ADCY8: variants seen among roughly 807,000 people sequenced by gnomAD.
ADCY8 encodes the protein adenylate cyclase 8, also known as adenylate cyclase type 8.
A neutral mutation model predicts 119.7 loss-of-function variants in ADCY8; 51 were observed. The observed-to-expected ratio is 0.43, with a 90% CI of 0.34 to 0.54. The LOEUF is 0.54. ADCY8 is among the 20% of genes least tolerant of loss of function. The pLI is 0.03. For missense variants in ADCY8, 1,383 were observed against 1,598.8 expected (o/e 0.87, Z 2.30); for synonymous variants, 665 against 651.0 (o/e 1.02, Z -0.33).
chr8:130,992,174 G>A (rs1258461059), intron 1 of ADCY8, among the ~76,000 whole-genome samples: 1 of 150,254 alleles, frequency 6.7e-6, no homozygotes, highest in Non-Finnish European at 1.5e-5. Flanking sequence ...CTGCCTCTGG[G>A]GTTCAAGTGA....
chr8:130,988,342 A>G (rs1822467944), intron 2 of ADCY8, among the ~76,000 whole-genome samples: 1 of 152,206 alleles, frequency 6.6e-6, no homozygotes, highest in South Asian at 2.1e-4. Context: ...ACTTCTTATC[A>G]TAGTTGTGAA....
At chr8:131,029,005 T>G (rs565851084) in intron 1 of ADCY8, among the ~76,000 whole-genome samples, 47 of 152,260 alleles carry the variant, frequency 3.1e-4, no homozygotes, top group Non-Finnish European at 6.0e-4. Flanking sequence ...CAGCAGCAAG[T>G]GAGAGGCAGG....
At chr8:130,811,809 C>T (rs577198235) in intron 14 of ADCY8, among the ~76,000 whole-genome samples, 1 of 152,282 alleles carries the variant, frequency 6.6e-6, no homozygotes, top group African/African-American at 2.4e-5. Context: ...TAAGGCTCCT[C>T]CTAACACGAA....
chr8:131,035,840 A>T (rs984350576), intron 1 of ADCY8, among the ~76,000 whole-genome samples: 1 of 152,168 alleles, frequency 6.6e-6, no homozygotes, highest in Non-Finnish European at 1.5e-5. Flanking sequence ...ATGAAGATTA[A>T]TGTGGAGAAA....
chr8:130,884,752 C>A lies in ADCY8; in HGVS notation c.1921G>T (p.Ala641Ser), dbSNP rs1373203923. ...AGATTTATTGAATTTCTTGTTAGGG[C>A]AGCCAGAGTCTAGGGGGAAAGCACA... ...NIVGKQNTLAALTRNSINLLP... is the reference protein window; with the variant it reads ...NIVGKQNTLASLTRNSINLLP... Residue 641 changes from alanine (A) to serine (S), a missense_variant, in exon 8 of 18, where the codon GCC becomes TCC. This residue lies in a region of ADCY8 where 928 missense variants were observed against 1,163.5 expected (regional missense o/e 0.80). Coordinates refer to ENST00000286355, the MANE Select transcript of ADCY8 (RefSeq NM_001115.3). 2 of 1,613,694 alleles carry A rather than the reference C, an allele frequency of 1.2e-6. No individual in the cohort carries two copies.
At chr8:130,966,717 TGACTTGGGAC>T in intron 2 of ADCY8, among the ~76,000 whole-genome samples, 1 of 152,362 alleles carries the variant, frequency 6.6e-6, no homozygotes, top group East Asian at 1.9e-4. Context: ...TCTCCAGCTC[TGACTTGGGAC>T]AACCTGCTGA....
At chr8:131,006,586 C>T (rs1823125444) in intron 1 of ADCY8, among the ~76,000 whole-genome samples, 1 of 152,104 alleles carries the variant, frequency 6.6e-6, no homozygotes, top group Non-Finnish European at 1.5e-5. Context: ...TAGTTTTTTT[C>T]CATTTGCATA....
intron 9 of ADCY8, among the ~76,000 whole-genome samples, chr8:130,865,845 G>T (rs1378649294): frequency 6.6e-6 from 1 of 152,072 alleles, no homozygotes; most frequent in Non-Finnish European, 1.5e-5. Flanking sequence ...GAGATTAGAT[G>T]ATCAGTTTCA....
At chr8:130,862,255 C>G (rs1047015978) in intron 9 of ADCY8, among the ~76,000 whole-genome samples, 2 of 151,834 alleles carry the variant, frequency 1.3e-5, no homozygotes, top group Non-Finnish European at 2.9e-5. Context: ...GCTTTTTGTT[C>G]TGTAGTTTCC....
At chr8:130,908,729 T>C (rs1410000206) in intron 6 of ADCY8, among the ~76,000 whole-genome samples, 2 of 152,214 alleles carry the variant, frequency 1.3e-5, no homozygotes, top group Non-Finnish European at 2.9e-5. Flanking sequence ...GGTAGAGTGA[T>C]GCAAGCCAAG....
chr8:130,924,269 T>G (rs1820397022), intron 5 of ADCY8, among the ~76,000 whole-genome samples: 1 of 152,182 alleles, frequency 6.6e-6, no homozygotes, highest in South Asian at 2.1e-4. Flanking sequence ...AGGGTGACCC[T>G]ATGGTCTAAG....
At chr8:130,849,836 C>T in intron 9 of ADCY8, 33 bp from the exon 10 acceptor site, 1 of 1,582,218 alleles carries the variant, frequency 6.3e-7, no homozygotes. Context: ...GGGTCATTGG[C>T]ATCAATTGTC....
chr8:131,022,196 C>T (rs546008328), intron 1 of ADCY8, among the ~76,000 whole-genome samples: 1 of 152,268 alleles, frequency 6.6e-6, no homozygotes, highest in Non-Finnish European at 1.5e-5. Flanking sequence ...CATAGGTATA[C>T]ACATGCCATG....
intron 4 of ADCY8, among the ~76,000 whole-genome samples, chr8:130,941,797 G>A (rs939846062): frequency 2.0e-5 from 3 of 152,044 alleles, no homozygotes; most frequent in South Asian, 2.1e-4. Flanking sequence ...ATCTCTTCTG[G>A]TTTCTTCACA....
At chr8:130,957,989 G>A (rs1050410192) in intron 2 of ADCY8, among the ~76,000 whole-genome samples, 6 of 152,216 alleles carry the variant, frequency 3.9e-5, no homozygotes, top group Admixed American at 1.3e-4. Context: ...TGGGGTCAGA[G>A]GCCCAACACA....
At chr8:130,898,614 T>C (rs1228592696) in intron 7 of ADCY8, among the ~76,000 whole-genome samples, 1 of 152,184 alleles carries the variant, frequency 6.6e-6, no homozygotes, top group Non-Finnish European at 1.5e-5. Context: ...CAGGCTGTAA[T>C]AAATGTGAAA....
intron 1 of ADCY8, among the ~76,000 whole-genome samples, chr8:131,004,718 T>C (rs1356721419): frequency 1.3e-5 from 2 of 152,176 alleles, no homozygotes; most frequent in African/African-American, 4.8e-5. Flanking sequence ...AACAAACACA[T>C]ATCCTGCCCT....
chr8:130,894,353 G>T (rs888167346), intron 7 of ADCY8, among the ~76,000 whole-genome samples: 3 of 152,052 alleles, frequency 2.0e-5, no homozygotes, highest in Non-Finnish European at 4.4e-5. Flanking sequence ...TAGCTTTTCT[G>T]GTTTTTTATT....
At chr8:130,929,301 A>G (rs144571474) in intron 5 of ADCY8, among the ~76,000 whole-genome samples, 79 of 152,250 alleles carry the variant, frequency 5.2e-4, no homozygotes, top group African/African-American at 1.9e-3. Context: ...CTTCCCTTAT[A>G]TAACTGCCTT....
Sources: allele counts gnomAD v4.1 joint callset (sites outside exome capture counted in the v4.1 genomes callset), GRCh38; gene constraint gnomAD v4.1.1; regional missense constraint gnomAD v4.1.1; transcripts MANE v1.5; gene names NCBI Gene and HGNC (gene_info 2026-07-23, HGNC 2026-07-21).